SCN11A: variants seen among roughly 807,000 people sequenced by gnomAD.
SCN11A encodes the protein sodium voltage-gated channel alpha subunit 11, also known as sodium channel protein type 11 subunit alpha.
In SCN11A, 122 loss-of-function variants were observed where a neutral mutation model predicts 162.2. The ratio of observed to expected loss-of-function variants is 0.75; its 90% CI spans 0.65 to 0.87. SCN11A has a LOEUF of 0.87. Ranked by LOEUF, SCN11A falls within the 40% of genes least tolerant of loss-of-function variation. The pLI, the probability that SCN11A is intolerant of heterozygous loss-of-function variation, is 0.00. For synonymous variants in SCN11A, 758 were observed against 751.5 expected (o/e 1.01, Z -0.14); for missense variants, 2,015 against 2,181.6 (o/e 0.92, Z 1.52).
intron 4 of SCN11A, among the ~76,000 whole-genome samples, chr3:38,950,922 G>C (rs1195432063): frequency 9.2e-5 from 14 of 152,256 alleles, no homozygotes; most frequent in Admixed American, 9.2e-4. Context: ...CATGAACTGC[G>C]ACCCCCATGC....
chr3:39,046,779 G>C (rs1384001674), intron 1 of SCN11A, among the ~76,000 whole-genome samples: 1 of 152,156 alleles, frequency 6.6e-6, no homozygotes, highest in African/African-American at 2.4e-5. Context: ...GAAGTGCAAT[G>C]ATGTGATCTC....
chr3:38,939,586 G>A (rs2066408800), intron 7 of SCN11A, among the ~76,000 whole-genome samples: 2 of 151,994 alleles, frequency 1.3e-5, no homozygotes, highest in Non-Finnish European at 2.9e-5. Context: ...CTTTCTCCCA[G>A]AATACCTCAT....
intron 2 of SCN11A, among the ~76,000 whole-genome samples, chr3:39,002,058 T>C (rs1360797286): frequency 2.0e-5 from 3 of 151,950 alleles, no homozygotes; most frequent in East Asian, 3.9e-4. Context: ...AAAAAAAAAC[T>C]ATTATTATTT....
intron 7 of SCN11A, among the ~76,000 whole-genome samples, chr3:38,936,929 A>C (rs201889031): frequency 3.3e-5 from 5 of 151,456 alleles, no homozygotes; most frequent in Admixed American, 6.6e-5. Context: ...TCCTAAGCCA[A>C]AAGAACAAAG....
intron 15 of SCN11A, 50 bp from the exon 16 acceptor site, chr3:38,904,153 G>T: frequency 8.0e-7 from 1 of 1,251,486 alleles, no homozygotes; most frequent in Non-Finnish European, 1.1e-6. Flanking sequence ...AAGCAATCCA[G>T]ATGCCCTTTG....
intron 29 of SCN11A, 141 bp downstream of exon 29, chr3:38,850,340 G>T: frequency 1.4e-6 from 1 of 715,860 alleles, no homozygotes; most frequent in East Asian, 2.6e-5. Flanking sequence ...AATGGCATTA[G>T]TACCCCTGTC....
intron 28 of SCN11A, among the ~76,000 whole-genome samples, chr3:38,856,260 A>G (rs916877709): frequency 6.6e-6 from 1 of 152,154 alleles, no homozygotes; most frequent in African/African-American, 2.4e-5. Flanking sequence ...GGCTTCCCCC[A>G]CAGGAACACA....
At chr3:38,905,378 T>G (rs1432135282) in intron 14 of SCN11A, 57 bp from the exon 15 acceptor site, 4 of 1,576,112 alleles carry the variant, frequency 2.5e-6, no homozygotes, top group Non-Finnish European at 3.4e-6. Context: ...TCCTCAAAAC[T>G]TAACAAACTA....
At chr3:38,987,801 GAGA>G (rs1298735532) in intron 2 of SCN11A, among the ~76,000 whole-genome samples, 2 of 152,178 alleles carry the variant, frequency 1.3e-5, no homozygotes, top group African/African-American at 2.4e-5. Context: ...CAGCCTTGAG[GAGA>G]AGTTTTCTTA....
At chr3:38,912,635 T>A (rs150504035) in intron 11 of SCN11A, among the ~76,000 whole-genome samples, 3 of 152,238 alleles carry the variant, frequency 2.0e-5, no homozygotes, top group African/African-American at 7.2e-5. Flanking sequence ...GCTCCTACCC[T>A]TCATCCTCAA....
chr3:38,882,626 G>A (rs1463000076), intron 22 of SCN11A, among the ~76,000 whole-genome samples: 1 of 152,098 alleles, frequency 6.6e-6, no homozygotes, highest in Non-Finnish European at 1.5e-5. Context: ...CAGAAGGTGT[G>A]GAGAGAGAGC....
chr3:38,857,269 G>A (rs2064885083), intron 28 of SCN11A, among the ~76,000 whole-genome samples: 1 of 151,738 alleles, frequency 6.6e-6, no homozygotes, highest in South Asian at 2.1e-4. Context: ...TACAAGATAT[G>A]GATAAGAAAA....
chr3:39,015,086 T>C (rs948374483), intron 2 of SCN11A, among the ~76,000 whole-genome samples: 1 of 152,024 alleles, frequency 6.6e-6, no homozygotes, highest in Non-Finnish European at 1.5e-5. Context: ...TTAATTGCCA[T>C]TGTAGCAATA....
intron 2 of SCN11A, among the ~76,000 whole-genome samples, chr3:38,995,679 G>A (rs999281940): frequency 1.3e-5 from 2 of 152,148 alleles, no homozygotes; most frequent in African/African-American, 2.4e-5. Flanking sequence ...CTGGTACTCA[G>A]GCCTTTGGGT....
intron 2 of SCN11A, among the ~76,000 whole-genome samples, chr3:38,973,735 C>T (rs1430752451): frequency 6.6e-6 from 1 of 152,062 alleles, no homozygotes; most frequent in Non-Finnish European, 1.5e-5. Flanking sequence ...GGATCTGTGC[C>T]CCACCCTGAA....
intron 9 of SCN11A, among the ~76,000 whole-genome samples, chr3:38,923,787 G>T (rs1427578292): frequency 6.6e-6 from 1 of 152,114 alleles, no homozygotes; most frequent in Non-Finnish European, 1.5e-5. Context: ...GGACGCCTGT[G>T]AAAGATGAGT....
intron 13 of SCN11A, among the ~76,000 whole-genome samples, chr3:38,908,549 A>C (rs2065837161): frequency 6.6e-6 from 1 of 152,190 alleles, no homozygotes; most frequent in Non-Finnish European, 1.5e-5. Context: ...GATTCCAAGG[A>C]AACTATTAGA....
intron 29 of SCN11A, chr3:38,850,208 T>C: frequency 3.0e-6 from 1 of 335,282 alleles, no homozygotes; most frequent in Non-Finnish European, 5.4e-6. Context: ...TTCTGAGTCA[T>C]TTTAATTTTG....
In SCN11A at chr3:38,950,161, C is replaced by T. The variant is rs1402458245; in HGVS notation, c.202G>A (p.Asp68Asn). ...TTTCCTATGAGCTCACGAGGAATGT[C>T]GCCATAGAGCTTGGGCAACTTCCTG... The part of the protein sequence containing the change: ...ASRKLPKLYG[D>N]IPRELIGKPL... Residue 68 changes from aspartate (D) to asparagine (N), a missense_variant, in exon 5 of 30, where the codon GAC (aspartate) becomes AAC (asparagine). Physicochemically the swap from Asp to Asn is conservative, Grantham distance 23. Transcript: ENST00000302328. 2 of 1,608,866 alleles carry T rather than the reference C, an allele frequency of 1.2e-6. No homozygotes were observed. The highest frequency in any genetic ancestry group is 2.2e-5 in the East Asian group (1 of 44,590).
Sources: gnomAD v4.1 joint callset for allele counts (sites outside exome capture counted in the v4.1 genomes callset) on GRCh38, gnomAD v4.1.1 for gene constraint, MANE v1.5 for transcripts, NCBI Gene and HGNC (gene_info 2026-07-23, HGNC 2026-07-21) for gene names.